Variants in NKAIN3 observed in about 807,000 individuals in gnomAD.
The protein encoded by NKAIN3 is sodium/potassium-transporting ATPase subunit beta-1-interacting protein 3.
A neutral mutation model predicts 30.2 loss-of-function variants in NKAIN3; 25 were observed. The observed-to-expected ratio is 0.83, with a 90% CI of 0.60 to 1.16. The LOEUF (loss-of-function observed/expected upper bound fraction) is 1.16, where lower values mean the gene tolerates loss of function less well. Ranked by LOEUF, NKAIN3 falls within the 50% of genes most tolerant of loss-of-function variation. The pLI, the probability that NKAIN3 is intolerant of heterozygous loss-of-function variation, is 0.00. For missense variants in NKAIN3, 225 were observed against 254.1 expected (o/e 0.89, Z 0.78); for synonymous variants, 91 against 89.6 (o/e 1.02, Z -0.09).
intron 4 of NKAIN3, among the ~76,000 whole-genome samples, chr8:62,834,969 T>C (rs1044108103): frequency 1.3e-5 from 2 of 152,002 alleles, no homozygotes; most frequent in Non-Finnish European, 2.9e-5. Context: ...ATGGTACTGG[T>C]ACAAAAACAG....
At chr8:62,993,410 C>T (rs1257360288) in intron 5 of NKAIN3, among the ~76,000 whole-genome samples, 2 of 152,184 alleles carry the variant, frequency 1.3e-5, no homozygotes, top group African/African-American at 4.8e-5. Context: ...AGAAAATGTA[C>T]TCAAACTTTA....
At chr8:62,567,358 A>G (rs1809790424) in intron 1 of NKAIN3, among the ~76,000 whole-genome samples, 1 of 152,044 alleles carries the variant, frequency 6.6e-6, no homozygotes, top group African/African-American at 2.4e-5. Flanking sequence ...TAACAAGGGA[A>G]CTCCGAATTG....
intron 1 of NKAIN3, among the ~76,000 whole-genome samples, chr8:62,499,970 C>T (rs1807373530): frequency 6.6e-6 from 1 of 151,746 alleles, no homozygotes; most frequent in Non-Finnish European, 1.5e-5. Context: ...AATGAAATAA[C>T]TGATTGTTTA....
intron 5 of NKAIN3, among the ~76,000 whole-genome samples, chr8:62,928,127 A>G (rs1379556677): frequency 1.3e-5 from 2 of 152,172 alleles, no homozygotes; most frequent in Non-Finnish European, 2.9e-5. Flanking sequence ...CCTAAATGAG[A>G]TATTAGGGAG....
At chr8:62,662,531 CT>C (rs1426801031) in intron 3 of NKAIN3, among the ~76,000 whole-genome samples, 2 of 152,202 alleles carry the variant, frequency 1.3e-5, no homozygotes, top group South Asian at 2.1e-4. Flanking sequence ...TCGTATCCCC[CT>C]AACCTTCAGA....
chr8:62,996,876 C>T (rs1381028633), intron 5 of NKAIN3, among the ~76,000 whole-genome samples: 3 of 152,226 alleles, frequency 2.0e-5, no homozygotes, highest in African/African-American at 4.8e-5. Context: ...TGGGCAGCTC[C>T]TCCTCTGTAG....
chr8:62,471,265 G>C (rs1389279569), intron 1 of NKAIN3, among the ~76,000 whole-genome samples: 1 of 151,710 alleles, frequency 6.6e-6, no homozygotes, highest in Non-Finnish European at 1.5e-5. Flanking sequence ...TAAAGGATGA[G>C]AGTAGCACTT....
At chr8:62,643,813 C>A (rs1049505826) in intron 3 of NKAIN3, among the ~76,000 whole-genome samples, 1 of 149,868 alleles carries the variant, frequency 6.7e-6, no homozygotes, top group Non-Finnish European at 1.5e-5. Context: ...GTAGTTGGAT[C>A]TCTTGTTGTT....
chr8:62,448,776 T>C (rs1805558253), intron 1 of NKAIN3, among the ~76,000 whole-genome samples: 1 of 151,946 alleles, frequency 6.6e-6, no homozygotes, highest in African/African-American at 2.4e-5. Context: ...AGCTTAAGTC[T>C]AGATCAAATT....
chr8:62,878,466 C>G (rs1820866327), intron 4 of NKAIN3, among the ~76,000 whole-genome samples: 1 of 151,984 alleles, frequency 6.6e-6, no homozygotes, highest in Non-Finnish European at 1.5e-5. Context: ...ATACCTCTAC[C>G]CCCTAAGAGA....
At chr8:62,357,579 T>C (rs1482342446) in intron 1 of NKAIN3, among the ~76,000 whole-genome samples, 2 of 152,006 alleles carry the variant, frequency 1.3e-5, no homozygotes, top group African/African-American at 4.8e-5. Context: ...CTAAATGAAA[T>C]TTTTTTTGTT....
At chr8:62,827,202 A>C (rs1819054774) in intron 4 of NKAIN3, among the ~76,000 whole-genome samples, 1 of 152,210 alleles carries the variant, frequency 6.6e-6, no homozygotes, top group South Asian at 2.1e-4. Flanking sequence ...CATGCTATAA[A>C]GTCTTTATAC....
chr8:62,321,990 C>A (rs1299915799), intron 1 of NKAIN3, among the ~76,000 whole-genome samples: 3 of 152,206 alleles, frequency 2.0e-5, no homozygotes, highest in Non-Finnish European at 4.4e-5. Context: ...GTTCCAGCTT[C>A]CAGGCCACTT....
rs35802058 is a variant in NKAIN3 at position 62,410,863 on chromosome 8, G to GA, written c.54+161744dup. 6.1e-3 allele frequency among the ~76,000 whole-genome samples: 929 copies of GA among 151,500 alleles called. 5 individuals carry two copies. The highest frequency in any genetic ancestry group is 9.6e-3 in the Non-Finnish European group (648 of 67,824). On this transcript the variant is annotated intron_variant, in intron 1 of 6. Transcript: ENST00000623646. ...AATATCAAGCTCTGAAATTGAGTCA[G>GA]AAAAAAAACAAAACAACAACAACAA... is the stretch of plus-strand genomic sequence containing the variant.
At chr8:62,895,568 C>G (rs1197676653) in intron 4 of NKAIN3, among the ~76,000 whole-genome samples, 1 of 152,168 alleles carries the variant, frequency 6.6e-6, no homozygotes, top group Non-Finnish European at 1.5e-5. Context: ...AGATTAGTGA[C>G]AGCAAAGCTT....
At chr8:62,363,127 G>A (rs1475888522) in intron 1 of NKAIN3, among the ~76,000 whole-genome samples, 1 of 152,222 alleles carries the variant, frequency 6.6e-6, no homozygotes, top group Non-Finnish European at 1.5e-5. Flanking sequence ...ATTATGTGCA[G>A]AGGGCAATAC....
chr8:62,319,737 G>A (rs1212376078), intron 1 of NKAIN3, among the ~76,000 whole-genome samples: 2 of 152,294 alleles, frequency 1.3e-5, no homozygotes, highest in East Asian at 1.9e-4. Flanking sequence ...TTGCTGAGGA[G>A]TGCTTTACTT....
intron 3 of NKAIN3, among the ~76,000 whole-genome samples, chr8:62,612,457 G>T (rs1187927250): frequency 1.3e-5 from 2 of 150,974 alleles, no homozygotes; most frequent in Non-Finnish European, 3.0e-5. Context: ...GGTTTCCATT[G>T]GCATGGAATA....
chr8:62,339,790 C>T (rs1162913601), intron 1 of NKAIN3, among the ~76,000 whole-genome samples: 7 of 151,708 alleles, frequency 4.6e-5, no homozygotes, highest in Non-Finnish European at 1.5e-5. Context: ...GCATATTTTT[C>T]TAAAGAAAGG....
Sources: gnomAD v4.1 joint callset for allele counts (sites outside exome capture counted in the v4.1 genomes callset) on GRCh38, gnomAD v4.1.1 for gene constraint, MANE v1.5 for transcripts, NCBI Gene and HGNC (gene_info 2026-07-23, HGNC 2026-07-21) for gene names.